NRXN3: variants seen among roughly 807,000 people sequenced by gnomAD.
NRXN3 encodes neurexin 3.
NRXN3 carries 32 observed loss-of-function variants against 137.6 expected under a neutral mutation model. The observed-to-expected ratio is 0.23, with a 90% CI of 0.18 to 0.31. NRXN3 has a LOEUF of 0.31. NRXN3 is among the 10% of genes least tolerant of loss of function. NRXN3 has a pLI of 1.00. For missense variants in NRXN3, 1,574 were observed against 2,062.5 expected (o/e 0.76, Z 4.59); for synonymous variants, 798 against 784.5 (o/e 1.02, Z -0.29).
intron 15 of NRXN3, among the ~76,000 whole-genome samples, chr14:79,191,073 G>C (rs1343792571): frequency 1.3e-5 from 2 of 152,166 alleles, no homozygotes; most frequent in Non-Finnish European, 2.9e-5. Context: ...AGCCCCCCAG[G>C]AGAAAATACT....
chr14:79,293,294 T>A (rs1886488885), intron 15 of NRXN3, among the ~76,000 whole-genome samples: 1 of 152,204 alleles, frequency 6.6e-6, no homozygotes, highest in Non-Finnish European at 1.5e-5. Flanking sequence ...TGAGGAATGA[T>A]CATGCCCCTA....
At chr14:78,984,741 A>G (rs532740827) in intron 14 of NRXN3, among the ~76,000 whole-genome samples, 1 of 152,292 alleles carries the variant, frequency 6.6e-6, no homozygotes, top group African/African-American at 2.4e-5. Flanking sequence ...ATAAGCTTCC[A>G]GGAGATGCAG....
chr14:78,280,097 C>T (rs940041687), intron 3 of NRXN3, among the ~76,000 whole-genome samples: 3 of 152,142 alleles, frequency 2.0e-5, no homozygotes, highest in Non-Finnish European at 4.4e-5. Context: ...TTAGTTCAAT[C>T]GCTCAGTCAA....
rs200457813 is a variant in NRXN3 at position 79,671,468 on chromosome 14, TA to T, written c.3616+7520del. ...TTGGGCATCTATACATATTTGGCTTTATCTATATCATCGGTGTGGCCTCTGG... is the reference window on the plus strand; with the variant it reads ...TTGGGCATCTATACATATTTGGCTTTTCTATATCATCGGTGTGGCCTCTGG... On this transcript the variant is annotated intron_variant, in intron 17 of 20. Coordinates refer to ENST00000335750, the MANE Select transcript of NRXN3 (RefSeq NM_001330195.2). Among the ~76,000 whole-genome samples, 30 of 152,232 alleles carry T rather than the reference TA, an allele frequency of 2.0e-4. No individual in the cohort carries two copies. The East Asian group carries it at 5.4e-3, about 28-fold the overall frequency.
At chr14:79,033,932 A>T (rs1042992399) in intron 15 of NRXN3, among the ~76,000 whole-genome samples, 3 of 152,096 alleles carry the variant, frequency 2.0e-5, no homozygotes, top group African/African-American at 7.2e-5. Context: ...ACCTGTCTCC[A>T]TATAAATATT....
At position 78,243,550 on chromosome 14, in the gene NRXN3, C is replaced by A; in HGVS notation, c.457C>A (p.Pro153Thr). 6.3e-7 allele frequency: 1 copy of A among 1,597,998 alleles called. No homozygotes were observed. Among genetic ancestry groups the A allele is most frequent in the Non-Finnish European group, 8.5e-7 (1 of 1,179,652 alleles). The change falls in exon 2 of 21, where the codon CCT becomes ACT. Residue 153 changes from proline (P) to threonine (T), a missense_variant. By Grantham distance (38) the Pro-to-Thr change is conservative (BLOSUM62 -1). Coordinates refer to ENST00000335750, the MANE Select transcript of NRXN3 (RefSeq NM_001330195.2). This position sits in a 1 kb window ranked among gnomAD's most constrained non-coding sequence, Gnocchi z 4.2. Reference sequence around the variant, plus strand: ...CAGTGACTTGTTCCTTGGTGGAGTCCCTACTGACATACGACCTTCTGCCCT... The same window carrying A: ...CAGTGACTTGTTCCTTGGTGGAGTCACTACTGACATACGACCTTCTGCCCT... ...VVSDLFLGGVPTDIRPSALTL... is the reference protein window; with the variant it reads ...VVSDLFLGGVTTDIRPSALTL...
intron 10 of NRXN3, among the ~76,000 whole-genome samples, chr14:78,875,629 A>G (rs1210899082): frequency 1.3e-5 from 2 of 152,192 alleles, no homozygotes; most frequent in African/African-American, 2.4e-5. Flanking sequence ...CTCATTTTAA[A>G]CATTTACCCA....
chr14:78,389,386 C>T (rs1257000198), intron 4 of NRXN3, among the ~76,000 whole-genome samples: 1 of 152,098 alleles, frequency 6.6e-6, no homozygotes, highest in East Asian at 1.9e-4. Context: ...GAAACATTGC[C>T]TTCCAGGGAA....
intron 4 of NRXN3, among the ~76,000 whole-genome samples, chr14:78,483,887 T>G (rs553773643): frequency 6.6e-6 from 1 of 152,058 alleles, no homozygotes; most frequent in Non-Finnish European, 1.5e-5. Flanking sequence ...TCATGGCTTA[T>G]GTTAGCTAGA....
chr14:78,414,134 C>G (rs2092997950), intron 4 of NRXN3, among the ~76,000 whole-genome samples: 1 of 152,172 alleles, frequency 6.6e-6, no homozygotes, highest in African/African-American at 2.4e-5. Flanking sequence ...TTATAAATTA[C>G]CCAGTCTTGG....
At chr14:79,282,496 T>A (rs1469015252) in intron 15 of NRXN3, among the ~76,000 whole-genome samples, 1 of 149,228 alleles carries the variant, frequency 6.7e-6, no homozygotes, top group Non-Finnish European at 1.5e-5. Flanking sequence ...AGAGTCAGTC[T>A]CTCTCTCTCT....
intron 15 of NRXN3, among the ~76,000 whole-genome samples, chr14:79,080,412 A>G (rs929036156): frequency 1.3e-5 from 2 of 152,210 alleles, no homozygotes; most frequent in Admixed American, 6.5e-5. Context: ...AGTAGAATAG[A>G]TTGTTTTACC....
intron 4 of NRXN3, among the ~76,000 whole-genome samples, chr14:78,309,889 G>A (rs2077768041): frequency 6.6e-6 from 1 of 152,064 alleles, no homozygotes; most frequent in South Asian, 2.1e-4. Flanking sequence ...GTCTTTTTAA[G>A]TACATTTTCT....
At chr14:79,203,909 T>G (rs1234284782) in intron 15 of NRXN3, among the ~76,000 whole-genome samples, 2 of 152,184 alleles carry the variant, frequency 1.3e-5, no homozygotes. Flanking sequence ...TAATTGGCTT[T>G]CTGAGAGAAA....
intron 15 of NRXN3, among the ~76,000 whole-genome samples, chr14:79,060,219 C>G (rs2152654551): frequency 6.6e-6 from 1 of 152,288 alleles, no homozygotes; most frequent in Admixed American, 6.5e-5. Flanking sequence ...AGTGAAATCT[C>G]AAGAATGAAA....
At chr14:79,625,747 C>T (rs1603246145) in intron 16 of NRXN3, among the ~76,000 whole-genome samples, 2 of 152,190 alleles carry the variant, frequency 1.3e-5, no homozygotes, top group African/African-American at 4.8e-5. Context: ...CTCCTTTATT[C>T]CCAGTTGTCC....
intron 15 of NRXN3, among the ~76,000 whole-genome samples, chr14:79,397,993 A>G (rs2095074880): frequency 6.6e-6 from 1 of 152,202 alleles, no homozygotes; most frequent in Admixed American, 6.5e-5. Context: ...GCAGTCTTAA[A>G]AAAGGACCCT....
intron 15 of NRXN3, among the ~76,000 whole-genome samples, chr14:79,125,113 A>G (rs2056167680): frequency 6.6e-6 from 1 of 152,180 alleles, no homozygotes; most frequent in Non-Finnish European, 1.5e-5. Context: ...TTAAACTATT[A>G]CAAATACACT....
At chr14:79,552,285 C>T (rs953272183) in intron 16 of NRXN3, among the ~76,000 whole-genome samples, 1 of 152,128 alleles carries the variant, frequency 6.6e-6, no homozygotes, top group Non-Finnish European at 1.5e-5. Flanking sequence ...ATTGTAGCTA[C>T]ATGTGGTGTT....
Sources: allele counts gnomAD v4.1 joint callset (sites outside exome capture counted in the v4.1 genomes callset), GRCh38; gene constraint gnomAD v4.1.1; non-coding constraint Gnocchi (gnomAD v3.1); transcripts MANE v1.5; gene names NCBI Gene and HGNC (gene_info 2026-07-23, HGNC 2026-07-21).